The following AFG1L variants were observed in gnomAD, a reference collection of about 807,000 sequenced individuals.
AFG1L encodes AFG1 like ATPase.
In AFG1L, 53 loss-of-function variants were observed where a neutral mutation model predicts 62.2. The observed-to-expected ratio is 0.85, with a 90% CI of 0.68 to 1.07. The LOEUF (loss-of-function observed/expected upper bound fraction) is 1.07. AFG1L is among the 50% of genes least tolerant of loss of function. The pLI is 0.00. For missense variants in AFG1L, 555 were observed against 590.5 expected, an observed-to-expected ratio of 0.94 and a Z score of 0.62; for synonymous variants, 228 against 210.3, an observed-to-expected ratio of 1.08 and a Z score of -0.73.
intron 6 of AFG1L, among the ~76,000 whole-genome samples, chr6:108,401,517 T>G (rs1781615678): frequency 6.6e-6 from 1 of 152,160 alleles, no homozygotes; most frequent in Admixed American, 6.6e-5. Flanking sequence ...GATCTCGAAC[T>G]CCTGACCTCA....
intron 7 of AFG1L, among the ~76,000 whole-genome samples, chr6:108,404,689 G>A (rs1781773790): frequency 6.6e-6 from 1 of 151,858 alleles, no homozygotes; most frequent in African/African-American, 2.4e-5. Flanking sequence ...TGGAGGCTAT[G>A]TTATAAGTTG....
intron 1 of AFG1L, among the ~76,000 whole-genome samples, chr6:108,306,677 A>G (rs1777209141): frequency 6.6e-6 from 1 of 152,146 alleles, no homozygotes; most frequent in African/African-American, 2.4e-5. Flanking sequence ...GATGTATGCT[A>G]AATGTCTTGT....
intron 1 of AFG1L, among the ~76,000 whole-genome samples, chr6:108,309,606 G>A (rs1472587367): frequency 6.6e-6 from 1 of 152,078 alleles, no homozygotes; most frequent in Non-Finnish European, 1.5e-5. Flanking sequence ...TTGGAAAACT[G>A]TTCACCTATT....
At chr6:108,445,537 C>T (rs1384323136) in intron 7 of AFG1L, among the ~76,000 whole-genome samples, 1 of 151,994 alleles carries the variant, frequency 6.6e-6, no homozygotes, top group African/African-American at 2.4e-5. Context: ...AGATGTGTGA[C>T]TCTTCCTTTC....
chr6:108,513,939 A>G (rs1046279022), intron 11 of AFG1L, among the ~76,000 whole-genome samples: 6 of 152,230 alleles, frequency 3.9e-5, no homozygotes, highest in Non-Finnish European at 7.3e-5. Flanking sequence ...ATCAGGCAGC[A>G]AAATTTGCTG....
At chr6:108,467,486 G>A (rs1316907938) in intron 8 of AFG1L, among the ~76,000 whole-genome samples, 1 of 152,112 alleles carries the variant, frequency 6.6e-6, no homozygotes, top group African/African-American at 2.4e-5. Context: ...GACCTCAGGT[G>A]ATCCACCCAC....
chr6:108,478,615 C>A (rs895092520), intron 10 of AFG1L, among the ~76,000 whole-genome samples: 1 of 152,170 alleles, frequency 6.6e-6, no homozygotes, highest in Non-Finnish European at 1.5e-5. Context: ...TGACAAAATT[C>A]TATTAAGGCT....
intron 10 of AFG1L, among the ~76,000 whole-genome samples, chr6:108,484,040 A>C (rs568420468): frequency 9.2e-5 from 14 of 152,280 alleles, no homozygotes; most frequent in African/African-American, 3.4e-4. Context: ...ATTCACTCTC[A>C]GTAAATATCA....
At chr6:108,364,062 TC>T (rs1352058220) in intron 5 of AFG1L, among the ~76,000 whole-genome samples, 7 of 152,204 alleles carry the variant, frequency 4.6e-5, no homozygotes, top group Non-Finnish European at 8.8e-5. Flanking sequence ...ATGAAATGTC[TC>T]CACTCTCTGT....
chr6:108,505,189 G>A (rs900395001), intron 10 of AFG1L, among the ~76,000 whole-genome samples: 1 of 151,662 alleles, frequency 6.6e-6, no homozygotes, highest in African/African-American at 2.4e-5. Flanking sequence ...CCGCGCCCAG[G>A]TTCAAGCGAT....
intron 6 of AFG1L, chr6:108,388,165 TAC>T (rs2114580972): frequency 6.6e-6 from 1 of 152,330 alleles, no homozygotes; most frequent in Non-Finnish European, 1.5e-5. Flanking sequence ...CATTAGTTTG[TAC>T]ATGGGTTTTG....
chr6:108,499,412 G>A (rs909731419), intron 10 of AFG1L, among the ~76,000 whole-genome samples: 5 of 151,726 alleles, frequency 3.3e-5, no homozygotes, highest in African/African-American at 1.2e-4. Flanking sequence ...ACTTGAAATG[G>A]GATAAATGAA....
chr6:108,314,974 GGTTACA>G (rs1191262695), intron 1 of AFG1L, among the ~76,000 whole-genome samples: 3 of 151,992 alleles, frequency 2.0e-5, no homozygotes, highest in African/African-American at 7.3e-5. Context: ...GAGTAGATGG[GGTTACA>G]GGCATGCACT....
intron 10 of AFG1L, 91 bp from the exon 11 acceptor site, chr6:108,510,121 G>T: frequency 1.1e-6 from 1 of 939,970 alleles, no homozygotes; most frequent in Non-Finnish European, 1.6e-6. Flanking sequence ...ATCACACCAT[G>T]ACAAGAAAGA....
chr6:108,374,256 C>G (rs936657752), intron 6 of AFG1L, among the ~76,000 whole-genome samples: 1 of 152,072 alleles, frequency 6.6e-6, no homozygotes. Context: ...AGATGCATAG[C>G]TTGCAAATAT....
intron 1 of AFG1L, among the ~76,000 whole-genome samples, chr6:108,321,943 G>A (rs760413984): frequency 4.6e-5 from 7 of 152,152 alleles, no homozygotes; most frequent in Admixed American, 1.3e-4. Context: ...GTGCAGTGGT[G>A]TAGGTCATAG....
At chr6:108,392,859 A>G (rs764559971) in intron 6 of AFG1L, among the ~76,000 whole-genome samples, 1 of 152,076 alleles carries the variant, frequency 6.6e-6, no homozygotes, top group Non-Finnish European at 1.5e-5. Context: ...ATCGATATGT[A>G]TATATATAAA....
intron 8 of AFG1L, among the ~76,000 whole-genome samples, chr6:108,469,304 G>A (rs1772794903): frequency 6.6e-6 from 1 of 152,062 alleles, no homozygotes; most frequent in African/African-American, 2.4e-5. Flanking sequence ...TCTGGATGCT[G>A]AAAAGGTACA....
At chr6:108,345,437 G>T (rs1778828439) in intron 2 of AFG1L, among the ~76,000 whole-genome samples, 1 of 151,550 alleles carries the variant, frequency 6.6e-6, no homozygotes, top group African/African-American at 2.4e-5. Flanking sequence ...TCGATTCACT[G>T]TAGTCTCCAC....
Sources: gnomAD v4.1 joint callset for allele counts (sites outside exome capture counted in the v4.1 genomes callset) on GRCh38, gnomAD v4.1.1 for gene constraint, MANE v1.5 for transcripts, NCBI Gene and HGNC (gene_info 2026-07-23, HGNC 2026-07-21) for gene names.